Variants in CSMD3 observed in about 807,000 individuals in gnomAD.
CSMD3 encodes the protein CUB and Sushi multiple domains 3, also known as CUB and sushi domain-containing protein 3.
In CSMD3, 177 loss-of-function variants were observed where a neutral mutation model predicts 435.2. That is an observed-to-expected ratio of 0.41 (90% CI 0.36 to 0.46). The LOEUF is 0.46. Among genes scored for constraint, CSMD3 ranks in the 20% least tolerant of loss-of-function variants. The pLI is 0.34. For synonymous variants in CSMD3, 1,656 were observed against 1,520.5 expected (o/e 1.09, Z -2.07); for missense variants, 4,265 against 4,504.6 (o/e 0.95, Z 1.52).
At chr8:113,216,578 C>T (rs765079089) in intron 3 of CSMD3, among the ~76,000 whole-genome samples, 1 of 151,826 alleles carries the variant, frequency 6.6e-6, no homozygotes, top group Non-Finnish European at 1.5e-5. Flanking sequence ...AACATATTCT[C>T]CCACCAGAAA....
chr8:112,846,307 C>CT (rs1394948047), intron 11 of CSMD3, among the ~76,000 whole-genome samples: 1 of 135,540 alleles, frequency 7.4e-6, no homozygotes, highest in East Asian at 2.1e-4. Context: ...TTCTCCTTTC[C>CT]TTCCTTCCTT....
chr8:112,967,623 A>G (rs1327867081), intron 7 of CSMD3, among the ~76,000 whole-genome samples: 1 of 151,838 alleles, frequency 6.6e-6, no homozygotes, highest in Non-Finnish European at 1.5e-5. Flanking sequence ...CTTACCATCC[A>G]AACTAAGGCA....
chr8:112,832,844 T>C (rs926421195), intron 11 of CSMD3, among the ~76,000 whole-genome samples: 2 of 152,174 alleles, frequency 1.3e-5, no homozygotes, highest in Admixed American at 1.3e-4. Context: ...CAATATAAAT[T>C]AGCACAATAT....
At position 112,816,721 on chromosome 8, in the gene CSMD3, G is replaced by A. The variant is rs184298773; in HGVS notation, c.1859+12965C>T. Among the ~76,000 whole-genome samples, 42 of 151,854 alleles carry A rather than the reference G, an allele frequency of 2.8e-4. No individual in the cohort carries two copies. In the East Asian group the frequency reaches 7.6e-3, roughly 27 times the overall value. On this transcript the variant is annotated intron_variant, in intron 12 of 70. Transcript: ENST00000297405. ...AAATATAGGGCTCAACAAACTAAGA[G>A]CAATGATAGTCATCTATTTACAAGC...
At chr8:112,269,623 T>G (rs1817277778) in intron 59 of CSMD3, among the ~76,000 whole-genome samples, 1 of 152,182 alleles carries the variant, frequency 6.6e-6, no homozygotes, top group Non-Finnish European at 1.5e-5. Flanking sequence ...GTACTGCCTG[T>G]TAGACATTGA....
At chr8:113,164,302 A>G (rs1564382345) in intron 4 of CSMD3, among the ~76,000 whole-genome samples, 1 of 151,866 alleles carries the variant, frequency 6.6e-6, no homozygotes, top group African/African-American at 2.4e-5. Flanking sequence ...TTAGCTATAA[A>G]TTAAATATTA....
intron 10 of CSMD3, among the ~76,000 whole-genome samples, chr8:112,900,189 G>A (rs1003219452): frequency 1.2e-4 from 18 of 151,132 alleles, no homozygotes; most frequent in Non-Finnish European, 1.6e-4. Context: ...GTGCCCTTGG[G>A]ATTCAGTAGG....
chr8:113,119,254 T>C (rs2090920109), intron 4 of CSMD3, among the ~76,000 whole-genome samples: 2 of 152,196 alleles, frequency 1.3e-5, no homozygotes, highest in South Asian at 4.1e-4. Context: ...GGCTAATATG[T>C]ATTGTGTAAA....
intron 8 of CSMD3, among the ~76,000 whole-genome samples, chr8:112,953,046 T>C (rs1307020416): frequency 6.6e-6 from 1 of 151,420 alleles, no homozygotes; most frequent in African/African-American, 2.4e-5. Flanking sequence ...TTAGTACAAA[T>C]AGCCTGAATT....
intron 9 of CSMD3, among the ~76,000 whole-genome samples, chr8:112,927,809 T>C (rs1255761755): frequency 6.6e-6 from 1 of 152,128 alleles, no homozygotes; most frequent in African/African-American, 2.4e-5. Context: ...CTATGTCCGA[T>C]ACAAAGAGAA....
At chr8:113,158,904 A>T (rs182428462) in intron 4 of CSMD3, among the ~76,000 whole-genome samples, 20 of 152,126 alleles carry the variant, frequency 1.3e-4, no homozygotes, top group Admixed American at 1.2e-3. Context: ...TGACGGAAAA[A>T]ATAAACAAGA....
intron 28 of CSMD3, among the ~76,000 whole-genome samples, chr8:112,515,921 G>A (rs772292240): frequency 2.0e-5 from 3 of 151,638 alleles, no homozygotes; most frequent in Non-Finnish European, 4.4e-5. Flanking sequence ...TTGTTTTATT[G>A]CTAATTTCCC....
chr8:113,303,673 A>T (rs968660764), intron 2 of CSMD3, among the ~76,000 whole-genome samples: 10 of 136,972 alleles, frequency 7.3e-5, no homozygotes, highest in African/African-American at 2.2e-4. Context: ...AGGATTCCCT[A>T]TTTAATAAAT....
intron 22 of CSMD3, among the ~76,000 whole-genome samples, chr8:112,611,038 G>A (rs1833215413): frequency 6.6e-6 from 1 of 152,182 alleles, no homozygotes; most frequent in Admixed American, 6.5e-5. Context: ...TTTAAGATGT[G>A]AGAGGATTTA....
intron 27 of CSMD3, among the ~76,000 whole-genome samples, chr8:112,548,825 G>A (rs1217472522): frequency 6.6e-6 from 1 of 151,990 alleles, no homozygotes; most frequent in Admixed American, 6.6e-5. Context: ...TCAATAGGTT[G>A]ATTTTAAGGC....
chr8:112,964,114 G>A (rs1021257499), intron 7 of CSMD3, among the ~76,000 whole-genome samples: 4 of 151,584 alleles, frequency 2.6e-5, no homozygotes, highest in Admixed American at 6.6e-5. Context: ...CAAAATTATC[G>A]CCCCTTTCAA....
chr8:112,445,165 C>A (rs769105737), intron 32 of CSMD3, among the ~76,000 whole-genome samples: 1 of 152,040 alleles, frequency 6.6e-6, no homozygotes, highest in Non-Finnish European at 1.5e-5. Context: ...ATCCCTTGAA[C>A]CTGGGAGACG....
rs564164413 is a variant in CSMD3, at chr8:112,555,221, G to A, written c.4234+1542C>T. Among the ~76,000 whole-genome samples, 5 of 152,016 alleles carry A rather than the reference G, an allele frequency of 3.3e-5. No homozygotes were observed. In the East Asian group the frequency reaches 9.7e-4, roughly 29 times the overall value. ...GCTGCGAACATAATTAAAACCTTCT[G>A]ATCTCATACTAAATATCCTTCCATT... On this transcript the variant is annotated intron_variant, in intron 25 of 70. Transcript: ENST00000297405.
intron 45 of CSMD3, among the ~76,000 whole-genome samples, chr8:112,323,240 G>C (rs1304796311): frequency 6.6e-6 from 1 of 151,972 alleles, no homozygotes; most frequent in Non-Finnish European, 1.5e-5. Flanking sequence ...TTAATCATAA[G>C]TAGCTTGCAA....
Sources: allele counts gnomAD v4.1 joint callset (sites outside exome capture counted in the v4.1 genomes callset), GRCh38; gene constraint gnomAD v4.1.1; transcripts MANE v1.5; gene names NCBI Gene and HGNC (gene_info 2026-07-23, HGNC 2026-07-21).